The following CPAMD8 variants were observed in gnomAD, a reference collection of about 807,000 sequenced individuals.
CPAMD8 encodes C3 and PZP-like alpha-2-macroglobulin domain-containing protein 8.
In CPAMD8, 146 loss-of-function variants were observed where a neutral mutation model predicts 224.7. The ratio of observed to expected loss-of-function variants is 0.65; its 90% CI spans 0.57 to 0.75. CPAMD8 has a LOEUF of 0.75. CPAMD8 is among the 30% of genes least tolerant of loss of function. The pLI, the probability that CPAMD8 is intolerant of heterozygous loss-of-function variation, is 0.00. For missense variants in CPAMD8, 2,301 were observed against 2,537.5 expected (o/e 0.91, Z 2.00); for synonymous variants, 966 against 1,044.6 (o/e 0.92, Z 1.45).
intron 9 of CPAMD8, 69 bp downstream of exon 9, chr19:17,002,197 G>T: frequency 1.9e-6 from 2 of 1,058,118 alleles, no homozygotes; most frequent in Non-Finnish European, 1.4e-6. Flanking sequence ...ACGACCTTGA[G>T]GGAGCAGCGT....
chr19:17,013,682 G>A (rs1157962345), intron 3 of CPAMD8, among the ~76,000 whole-genome samples: 3 of 151,592 alleles, frequency 2.0e-5, no homozygotes, highest in Non-Finnish European at 4.4e-5. Context: ...ATGGGGACAG[G>A]GTCTTCTTTT....
At chr19:16,940,485 T>G (rs558314104) in intron 22 of CPAMD8, among the ~76,000 whole-genome samples, 33 of 152,300 alleles carry the variant, frequency 2.2e-4, no homozygotes, top group Non-Finnish European at 4.6e-4. Context: ...GACCCCCAAC[T>G]TCACCTTGTG....
Position 17,000,496 on chromosome 19 carries a change from C to G in CPAMD8, c.785G>C (p.Gly262Ala), listed in dbSNP as rs762975333. 1.7e-5 allele frequency: 24 copies of G among 1,428,234 alleles called. No individual in the cohort carries two copies. In the South Asian group the frequency reaches 2.5e-4, roughly 15 times the overall value. The allele number at this position is 1,428,234 out of a possible 1,614,324, so 88.5% of individuals were successfully genotyped here. ...ARYTFGKPVA[G>A]ALMINMTVNG... The stretch of plus-strand genomic sequence containing the variant: ...AACAGTCATGTTGATCATTAAGGCA[C>G]CAGCCACAGGTTTCCCAAAGGTATA... The change falls in exon 10 of 42, where the codon GGT (glycine) becomes GCT (alanine). Residue 262 changes from glycine to alanine, a missense_variant. Physicochemically the swap from Gly to Ala is moderately conservative, Grantham distance 60 (BLOSUM62 0). Around this residue, in one of 4 missense-constraint regions of CPAMD8, gnomAD observed 8 missense variants for 36.9 expected, o/e 0.22. Coordinates refer to ENST00000443236, the MANE Select transcript of CPAMD8 (RefSeq NM_015692.5).
At chr19:17,016,352 T>C (rs1480986917) in intron 3 of CPAMD8, among the ~76,000 whole-genome samples, 2 of 152,178 alleles carry the variant, frequency 1.3e-5, no homozygotes, top group Admixed American at 6.5e-5. Flanking sequence ...TTTGTTAGTC[T>C]CTCTTACAAA....
At position 16,896,177 on chromosome 19, in the gene CPAMD8, T is replaced by C. The variant is rs1237064691; in HGVS notation, c.5425A>G (p.Arg1809Gly). Residue 1809 changes from arginine to glycine, a missense_variant and splice_region_variant, in exon 41 of 42, where the codon AGG becomes GGG. Physicochemically the swap from Arg to Gly is moderately radical, Grantham distance 125. Coordinates refer to ENST00000443236, the MANE Select transcript of CPAMD8 (RefSeq NM_015692.5). ...DPEPEGEAED[R>G]VTAGPRPPVS... ...CTCTGGGGTGGGCCCAGCTGTTACC[T>C]GTCCTCCGCCTCCCCTTCAGGCTCA... is the stretch of plus-strand genomic sequence containing the variant. 6.2e-7 allele frequency: 1 copy of C among 1,613,576 alleles called. No homozygotes were observed. Among genetic ancestry groups the C allele is most frequent in the South Asian group, 1.1e-5 (1 of 91,092 alleles).
chr19:17,001,467 A>G (rs796528277), intron 9 of CPAMD8, among the ~76,000 whole-genome samples: 2 of 64,840 alleles, frequency 3.1e-5, no homozygotes, highest in African/African-American at 7.5e-5. Context: ...GGAGGGTCAC[A>G]CCCTGGGGGG....
chr19:16,906,391 TTTCTTTCTTTC>T (rs1296687404), intron 30 of CPAMD8, among the ~76,000 whole-genome samples: 2 of 78,742 alleles, frequency 2.5e-5, no homozygotes, highest in African/African-American at 7.5e-5. Context: ...TCTTTCTTTC[TTTCTTTCTTTC>T]TTTCTTTCCT....
At chr19:16,985,829 T>C (rs1270031131) in intron 13 of CPAMD8, among the ~76,000 whole-genome samples, 1 of 148,816 alleles carries the variant, frequency 6.7e-6, no homozygotes, top group Non-Finnish European at 1.5e-5. Context: ...GATGGAGGGA[T>C]GGAGAGAGAG....
chr19:16,929,391 G>C, intron 23 of CPAMD8, 151 bp from the exon 24 acceptor site: 1 of 640,668 alleles, frequency 1.6e-6, no homozygotes, highest in Non-Finnish European at 2.7e-6. Flanking sequence ...CCTAACAATG[G>C]CATTGGCAAT....
At chr19:16,901,402 C>T (rs529588173) in intron 35 of CPAMD8, 105 bp from the exon 36 acceptor site, 14 of 803,284 alleles carry the variant, frequency 1.7e-5, no homozygotes, top group African/African-American at 1.7e-4. Context: ...TCCCAGGAAG[C>T]CTGCCCTGGG....
intron 14 of CPAMD8, among the ~76,000 whole-genome samples, chr19:16,979,386 T>TCATCCATCCATCCATC (rs55698805): frequency 4.5e-5 from 6 of 133,576 alleles, no homozygotes; most frequent in South Asian, 2.5e-4. Flanking sequence ...ATCTGTCCAT[T>TCATCCATCCATCCATC]CATCCATCCA....
intron 23 of CPAMD8, among the ~76,000 whole-genome samples, chr19:16,935,683 A>G (rs567136106): frequency 2.6e-5 from 4 of 152,350 alleles, no homozygotes; most frequent in Admixed American, 1.3e-4. Context: ...GTTTGGGGCT[A>G]CTACAAATAA....
rs537365144 is a variant in CPAMD8 at position 16,911,766 on chromosome 19, C to T, written c.3861+2658G>A. ...TTCACCAGATTAGCCAGGATGGTCT[C>T]GATCTCCTGACCTTGTGATCCACCG... On this transcript the variant is annotated intron_variant, in intron 29 of 41. Transcript: ENST00000443236. 1.5e-4 allele frequency among the ~76,000 whole-genome samples: 23 copies of T among 152,230 alleles called. No homozygotes were observed. In the South Asian group the frequency reaches 4.4e-3, roughly 29 times the overall value.
At chr19:17,018,730 AC>A (rs2056876479) in intron 3 of CPAMD8, among the ~76,000 whole-genome samples, 1 of 143,846 alleles carries the variant, frequency 7.0e-6, no homozygotes, top group African/African-American at 2.9e-5. Flanking sequence ...ACACACACAC[AC>A]ACACACACAC....
At chr19:16,959,686 G>A (rs1370680502) in intron 18 of CPAMD8, among the ~76,000 whole-genome samples, 3 of 151,692 alleles carry the variant, frequency 2.0e-5, no homozygotes, top group Admixed American at 6.6e-5. Flanking sequence ...GATTACAGGC[G>A]TCCACCACCA....
chr19:16,943,011 CTTTTTT>C (rs770885168), intron 22 of CPAMD8, among the ~76,000 whole-genome samples: 1 of 79,436 alleles, frequency 1.3e-5, no homozygotes, highest in African/African-American at 7.6e-5. Flanking sequence ...TTTCTTTTTT[CTTTTTT>C]TTTTTTTTGA....
intron 27 of CPAMD8, among the ~76,000 whole-genome samples, chr19:16,915,020 C>T (rs1270430217): frequency 6.6e-6 from 1 of 152,206 alleles, no homozygotes. Flanking sequence ...GAAGACGGAG[C>T]TCTCTCCTTC....
chr19:17,023,513 A>G (rs944704908), intron 1 of CPAMD8, among the ~76,000 whole-genome samples: 2 of 152,166 alleles, frequency 1.3e-5, no homozygotes, highest in Non-Finnish European at 2.9e-5. Context: ...AAAGGGGGAA[A>G]CTGGACCATG....
Position 16,986,280 on chromosome 19 carries a change from C to A in CPAMD8, c.1395+3363G>T, listed in dbSNP as rs116698047. On this transcript the variant is annotated intron_variant, in intron 13 of 41. Transcript: ENST00000443236. Reference sequence around the variant, plus strand: ...TCCCTCCATGCCCTGAGGTTGTGCCCGGGCCCCTCATGGCAGTTTGGTGGG... The same window carrying A: ...TCCCTCCATGCCCTGAGGTTGTGCCAGGGCCCCTCATGGCAGTTTGGTGGG... Among the ~76,000 whole-genome samples the A allele has an allele frequency of 1.8e-3, 278 of 152,208 alleles. 1 individual carries two copies. The highest frequency in any genetic ancestry group is 6.5e-3 in the African/African-American group (271 of 41,542).
Sources: gnomAD v4.1 joint callset for allele counts (sites outside exome capture counted in the v4.1 genomes callset) on GRCh38, gnomAD v4.1.1 for gene constraint, gnomAD v4.1.1 regional missense constraint, MANE v1.5 for transcripts, NCBI Gene and HGNC (gene_info 2026-07-23, HGNC 2026-07-21) for gene names.